Variants in ACCSL observed in about 807,000 individuals in gnomAD.
ACCSL encodes 1-aminocyclopropane-1-carboxylate synthase homolog (inactive) like, also known as probable inactive 1-aminocyclopropane-1-carboxylate synthase-like protein 2.
ACCSL carries 55 observed loss-of-function variants against 61.7 expected under a neutral mutation model. The ratio of observed to expected loss-of-function variants is 0.89; its 90% CI spans 0.72 to 1.12. ACCSL has a LOEUF of 1.12. Ranked by LOEUF, ACCSL falls within the 50% of genes most tolerant of loss-of-function variation. ACCSL has a pLI of 0.00. For missense variants in ACCSL, 632 were observed against 698.0 expected (o/e 0.91, Z 1.07); for synonymous variants, 258 against 264.3 (o/e 0.98, Z 0.23).
chr11:43,926,596 A>T, the ACCSL span: 1 of 377,276 alleles, frequency 2.7e-6, no homozygotes, highest in Non-Finnish European at 5.3e-6. Flanking sequence ...TACAGATAGA[A>T]GTAAACCCAT....
the ACCSL span, among the ~76,000 whole-genome samples, chr11:43,949,511 A>G: frequency 1.3e-4 from 20 of 152,320 alleles, no homozygotes; most frequent in African/African-American, 4.8e-4. Context: ...AGATAGCTAC[A>G]AAGATTAAAA....
chr11:44,004,183 T>G, the ACCSL span, among the ~76,000 whole-genome samples: 20 of 132,814 alleles, frequency 1.5e-4, no homozygotes, highest in African/African-American at 2.3e-4. Flanking sequence ...CAGGAGTGAG[T>G]GAGGTGAAGG....
chr11:43,993,751 G>A, the ACCSL span, among the ~76,000 whole-genome samples: 7 of 152,254 alleles, frequency 4.6e-5, no homozygotes, highest in African/African-American at 7.2e-5. Flanking sequence ...CAGGAAACCT[G>A]GGCAGGAAGG....
chr11:43,936,971 GCTATGAAGCACGCA>G, the ACCSL span, among the ~76,000 whole-genome samples: 1 of 152,132 alleles, frequency 6.6e-6, no homozygotes, highest in Admixed American at 6.5e-5. Context: ...TGGGACCTCT[GCTATGAAGCACGCA>G]CCCTCTTTCT....
chr11:43,968,491 T>C, the ACCSL span, among the ~76,000 whole-genome samples: 1 of 152,350 alleles, frequency 6.6e-6, no homozygotes. Flanking sequence ...GCATTATTTT[T>C]CTGCTTACCT....
the ACCSL span, among the ~76,000 whole-genome samples, chr11:43,980,475 C>T: frequency 0.26 from 39,889 of 151,590 alleles, 5,577 homozygotes; most frequent in Non-Finnish European, 0.32. Context: ...TTTACATAAT[C>T]GAATTATTGT....
the ACCSL span, among the ~76,000 whole-genome samples, chr11:43,998,718 T>G: frequency 1.3e-5 from 2 of 152,210 alleles, no homozygotes; most frequent in African/African-American, 4.8e-5. Context: ...CATTGTCACC[T>G]TCTTCATAGA....
At chr11:43,987,175 T>G in the ACCSL span, among the ~76,000 whole-genome samples, 2 of 152,190 alleles carry the variant, frequency 1.3e-5, no homozygotes, top group African/African-American at 4.8e-5. Context: ...TTCCATCCCT[T>G]TGTCCATCCT....
chr11:43,958,623 G>C, the ACCSL span, among the ~76,000 whole-genome samples: 1 of 152,202 alleles, frequency 6.6e-6, no homozygotes, highest in Non-Finnish European at 1.5e-5. Flanking sequence ...CCCTTGGGCA[G>C]TTACACATTC....
chr11:44,022,030 T>C, the ACCSL span, among the ~76,000 whole-genome samples: 655 of 152,248 alleles, frequency 4.3e-3, 7 homozygotes, highest in African/African-American at 0.015. Context: ...CTTTATAGTA[T>C]AGTTTGAAGT....
the ACCSL span, among the ~76,000 whole-genome samples, chr11:44,000,908 T>A: frequency 6.6e-6 from 1 of 152,160 alleles, no homozygotes; most frequent in Non-Finnish European, 1.5e-5. Context: ...GAGACAACTA[T>A]GCTATAAGCC....
At chr11:43,938,377 G>A in the ACCSL span, among the ~76,000 whole-genome samples, 2 of 152,194 alleles carry the variant, frequency 1.3e-5, no homozygotes, top group Admixed American at 6.5e-5. Flanking sequence ...AATTTTGTTG[G>A]TGATAACAAT....
At chr11:43,925,065 A>G in the ACCSL span, 1 of 190,830 alleles carries the variant, frequency 5.2e-6, no homozygotes, top group Non-Finnish European at 1.1e-5. Flanking sequence ...TGAGAGGGAA[A>G]GGAGGACAGC....
chr11:43,973,135 T>A, the ACCSL span, among the ~76,000 whole-genome samples: 2 of 152,254 alleles, frequency 1.3e-5, no homozygotes. Flanking sequence ...GTGATGCTGA[T>A]GTGCACAGGA....
At chr11:43,943,009 C>T in the ACCSL span, 3 of 1,507,206 alleles carry the variant, frequency 2.0e-6, no homozygotes, top group African/African-American at 1.4e-5. The surrounding 1 kb of genome is among the most constrained non-coding windows in gnomAD (Gnocchi z 4.8). Flanking sequence ...CCGTGCGGCC[C>T]GCCAAGCTGC....
the ACCSL span, among the ~76,000 whole-genome samples, chr11:44,042,655 T>G: frequency 1.1e-4 from 16 of 151,884 alleles, no homozygotes; most frequent in Admixed American, 3.3e-4. Flanking sequence ...TGTTTGTTTT[T>G]TTTGTTTTTT....
At chr11:43,961,700 G>T in the ACCSL span, among the ~76,000 whole-genome samples, 3 of 105,394 alleles carry the variant, frequency 2.8e-5, no homozygotes, top group African/African-American at 9.0e-5. Context: ...ATATTGTTTT[G>T]TTCTCTCTCT....
At chr11:44,058,165 T>A (rs1272599922) in intron 11 of ACCSL, 152 bp from the exon 12 acceptor site, 1 of 956,788 alleles carries the variant, frequency 1.0e-6, no homozygotes, top group East Asian at 2.6e-5. Flanking sequence ...AGAGGGAAAC[T>A]CTGGTTTTTT....
chr11:43,954,047 A>G, the ACCSL span, among the ~76,000 whole-genome samples: 12,962 of 152,050 alleles, frequency 0.085, 807 homozygotes, highest in African/African-American at 0.17. Flanking sequence ...GGAACAGGTG[A>G]CTTGTCGTGC....
Sources: gnomAD v4.1 joint callset for allele counts (sites outside exome capture counted in the v4.1 genomes callset) on GRCh38, gnomAD v4.1.1 for gene constraint, Gnocchi (gnomAD v3.1) non-coding constraint, MANE v1.5 for transcripts, NCBI Gene and HGNC (gene_info 2026-07-23, HGNC 2026-07-21) for gene names.